Variants in UBTD2 observed in about 807,000 individuals in gnomAD.
UBTD2 encodes the protein ubiquitin domain containing 2, also known as ubiquitin domain-containing protein 2.
A neutral mutation model predicts 19.8 loss-of-function variants in UBTD2; 9 were observed. The ratio of observed to expected loss-of-function variants is 0.46; its 90% CI spans 0.27 to 0.79. The LOEUF (loss-of-function observed/expected upper bound fraction) is 0.79. UBTD2 is among the 30% of genes least tolerant of loss of function. The pLI, the probability that UBTD2 is intolerant of heterozygous loss-of-function variation, is 0.14. For synonymous variants in UBTD2, 98 were observed against 103.9 expected (o/e 0.94, Z 0.35); for missense variants, 250 against 300.4 (o/e 0.83, Z 1.24).
intron 2 of UBTD2, among the ~76,000 whole-genome samples, chr5:172,225,527 T>C (rs1399450652): frequency 6.6e-6 from 1 of 152,202 alleles, no homozygotes; most frequent in Non-Finnish European, 1.5e-5. Context: ...CCTCACTGTT[T>C]ATCCCTCTGT....
At chr5:172,271,495 C>T (rs1755491478) in intron 1 of UBTD2, among the ~76,000 whole-genome samples, 1 of 151,600 alleles carries the variant, frequency 6.6e-6, no homozygotes, top group Non-Finnish European at 1.5e-5. Context: ...TCTGACCCTG[C>T]CCCCCACTCC....
intron 1 of UBTD2, among the ~76,000 whole-genome samples, chr5:172,273,095 ATAAAAAT>A (rs149161880): frequency 0.02 from 2,881 of 145,222 alleles, 132 homozygotes; most frequent in African/African-American, 0.069. Context: ...AAAAAAAAAA[ATAAAAAT>A]AAAAATAAAA....
rs998499369 is a variant in UBTD2 at position 172,233,612 on chromosome 5, G to A, written c.307+510C>T. The stretch of plus-strand genomic sequence containing the variant: ...TGGAAAACTGTCCTTAAAAACATGC[G>A]GGACTCTCTTCTAAGTTTGGGTTTG... On this transcript the variant is annotated intron_variant, in intron 2 of 2. Coordinates refer to ENST00000393792, the MANE Select transcript of UBTD2 (RefSeq NM_152277.3). Among the ~76,000 whole-genome samples, 19 of 152,042 alleles carry A rather than the reference G, an allele frequency of 1.2e-4. 1 individual carries two copies. Among genetic ancestry groups the A allele is most frequent in the African/African-American group, 4.1e-4 (17 of 41,382 alleles).
chr5:172,251,626 G>GAAA (rs60201763), intron 1 of UBTD2, among the ~76,000 whole-genome samples: 3 of 142,268 alleles, frequency 2.1e-5, no homozygotes, highest in Non-Finnish European at 3.1e-5. Context: ...AAAGTGCAAT[G>GAAA]AAAAAAAAAA....
intron 1 of UBTD2, among the ~76,000 whole-genome samples, chr5:172,242,632 G>A (rs1008095250): frequency 6.6e-6 from 1 of 152,176 alleles, no homozygotes; most frequent in Non-Finnish European, 1.5e-5. Flanking sequence ...TGCAACACAT[G>A]AGAAGGCTAA....
rs1338568599 is a variant in UBTD2 at position 172,214,045 on chromosome 5, A to G, written c.308-1818T>C. Reference sequence around the variant, plus strand: ...GGTGATCTGCTCGCCTTGGCCTCCCAAAGTGTTGGGATCACAGGCGTGAGC... The same window carrying G: ...GGTGATCTGCTCGCCTTGGCCTCCCGAAGTGTTGGGATCACAGGCGTGAGC... On this transcript the variant is annotated intron_variant, in intron 2 of 2. Transcript: ENST00000393792. Among the ~76,000 whole-genome samples the G allele has an allele frequency of 2.0e-5, 3 of 152,248 alleles. No homozygotes were observed. In the East Asian group the frequency reaches 5.8e-4, roughly 29 times the overall value.
intron 2 of UBTD2, among the ~76,000 whole-genome samples, chr5:172,225,933 CTTT>C (rs57155195): frequency 1.9e-5 from 2 of 107,498 alleles, no homozygotes; most frequent in African/African-American, 7.7e-5. Context: ...GGCTTAAACT[CTTT>C]TTTTTTTTTT....
intron 1 of UBTD2, among the ~76,000 whole-genome samples, chr5:172,242,141 CCT>C (rs1183368143): frequency 6.6e-6 from 1 of 152,172 alleles, no homozygotes; most frequent in Non-Finnish European, 1.5e-5. Context: ...TTGTAAGCTC[CCT>C]GAGGCCCTCA....
At chr5:172,254,095 C>A (rs1314586800) in intron 1 of UBTD2, among the ~76,000 whole-genome samples, 1 of 151,840 alleles carries the variant, frequency 6.6e-6, no homozygotes, top group Non-Finnish European at 1.5e-5. Flanking sequence ...TTCAAACTAG[C>A]ATTCCTTTTT....
chr5:172,271,819 G>A (rs944623915), intron 1 of UBTD2, among the ~76,000 whole-genome samples: 1 of 152,058 alleles, frequency 6.6e-6, no homozygotes, highest in Non-Finnish European at 1.5e-5. Context: ...CACAAGCATG[G>A]AAATGATCTG....
intron 2 of UBTD2, among the ~76,000 whole-genome samples, chr5:172,219,803 A>C (rs1161140441): frequency 6.6e-6 from 1 of 152,216 alleles, no homozygotes; most frequent in Non-Finnish European, 1.5e-5. Flanking sequence ...GTGCGTGACA[A>C]GCGATTAGTT....
chr5:172,241,553 T>C (rs914058559), intron 1 of UBTD2, among the ~76,000 whole-genome samples: 1 of 151,728 alleles, frequency 6.6e-6, no homozygotes, highest in Non-Finnish European at 1.5e-5. Flanking sequence ...TTGCAGATAA[T>C]ATATCAAACC....
chr5:172,264,502 C>T (rs1314032002), intron 1 of UBTD2, among the ~76,000 whole-genome samples: 1 of 150,344 alleles, frequency 6.7e-6, no homozygotes, highest in Non-Finnish European at 1.5e-5. Context: ...GATAGTGCCA[C>T]TGCACTCCAG....
chr5:172,252,163 G>A (rs1183061638), intron 1 of UBTD2, among the ~76,000 whole-genome samples: 1 of 152,156 alleles, frequency 6.6e-6, no homozygotes, highest in Non-Finnish European at 1.5e-5. Context: ...TCTGCCTCCT[G>A]GCTTTAAGAG....
chr5:172,211,347 C>CCAAAACAAAACAAAA lies in UBTD2; in HGVS notation c.*468_*482dup, dbSNP rs67100133. On this transcript the variant is annotated 3_prime_UTR_variant, in exon 3 of 3. Transcript: ENST00000393792. ...TACTGCTCTTTTCAGTTTCCATTAA[C>CCAAAACAAAACAAAA]CAAAACAAAACAAAACAAAACAAAA... 7.2e-4 allele frequency: 109 copies of CCAAAACAAAACAAAA among 151,288 alleles called. No individual in the cohort carries two copies. The highest frequency in any genetic ancestry group is 2.5e-3 in the African/African-American group (104 of 40,988). 9.4% of individuals were successfully genotyped at this position (151,288 alleles called of 1,614,324 possible). A position where few individuals can be genotyped will look rare whatever the true frequency, so the allele number is the denominator to read the frequency against.
chr5:172,254,732 G>C lies in UBTD2; in HGVS notation c.71-20374C>G, dbSNP rs374722885. 1.3e-4 allele frequency: 38 copies of C among 293,928 alleles called. 2 individuals carry two copies. The highest frequency in any genetic ancestry group is 1.1e-3 in the South Asian group (28 of 25,468). The allele number at this position is 293,928 out of a possible 1,614,324, so 18.2% of individuals were successfully genotyped here. A position where few individuals can be genotyped will look rare whatever the true frequency, so the allele number is the denominator to read the frequency against. Reference sequence around the variant, plus strand: ...GTGATTCTCTTGCAACAATGCTTGTGGGGGGGAACACTGAGTTCATTAAGG... The same window carrying C: ...GTGATTCTCTTGCAACAATGCTTGTCGGGGGGAACACTGAGTTCATTAAGG... On this transcript the variant is annotated intron_variant, in intron 1 of 2. Transcript: ENST00000393792.
At chr5:172,246,028 A>G (rs1754873498) in intron 1 of UBTD2, among the ~76,000 whole-genome samples, 1 of 152,264 alleles carries the variant, frequency 6.6e-6, no homozygotes, top group African/African-American at 2.4e-5. Context: ...CCAATTTTCA[A>G]AGGAAAAGAC....
Position 172,211,773 on chromosome 5 carries a change from C to T in UBTD2, c.*57G>A. 1.3e-6 allele frequency: 2 copies of T among 1,509,128 alleles called. No individual in the cohort carries two copies. The highest frequency in any genetic ancestry group is 1.8e-6 in the Non-Finnish European group (2 of 1,127,374). The allele number at this position is 1,509,128 out of a possible 1,614,324, so 93.5% of individuals were successfully genotyped here. A position where few individuals can be genotyped will look rare whatever the true frequency, so the allele number is the denominator to read the frequency against. On this transcript the variant is annotated 3_prime_UTR_variant, in exon 3 of 3. Transcript: ENST00000393792. ...TTTCACGCCGCAGAGTAGGAAATGA[C>T]AACAAGAACCATAAAAAGGAGCAGA...
rs1407246164 is a variant in UBTD2 at position 172,283,127 on chromosome 5, G to GA, written c.70+468dup. On this transcript the variant is annotated intron_variant, in intron 1 of 2. Coordinates refer to ENST00000393792, the MANE Select transcript of UBTD2 (RefSeq NM_152277.3). This position sits in a 1 kb window ranked among gnomAD's most constrained non-coding sequence, Gnocchi z 4.3. ...GAACCAACCGGGGCAGCTGTCATCT[G>GA]AAACTCAGGAAAGCTGAGACCAGCC... 6.6e-6 allele frequency among the ~76,000 whole-genome samples: 1 copy of GA among 152,144 alleles called. No homozygotes were observed. The highest frequency in any genetic ancestry group is 2.4e-5 in the African/African-American group (1 of 41,446).
Sources: gnomAD v4.1 joint callset for allele counts (sites outside exome capture counted in the v4.1 genomes callset) on GRCh38, gnomAD v4.1.1 for gene constraint, Gnocchi (gnomAD v3.1) non-coding constraint, MANE v1.5 for transcripts, NCBI Gene and HGNC (gene_info 2026-07-23, HGNC 2026-07-21) for gene names.